TRIM15: variants seen among roughly 807,000 people sequenced by gnomAD.
TRIM15 encodes the protein tripartite motif containing 15.
A neutral mutation model predicts 35.8 loss-of-function variants in TRIM15; 35 were observed. The ratio of observed to expected loss-of-function variants is 0.98; its 90% CI spans 0.75 to 1.30. The LOEUF is 1.30. Among genes scored for constraint, TRIM15 ranks in the 50% most tolerant of loss-of-function variants. TRIM15 has a pLI of 0.00. For synonymous variants in TRIM15, 252 were observed against 249.8 expected (o/e 1.01, Z -0.08); for missense variants, 590 against 593.5 (o/e 0.99, Z 0.06).
chr6:30,168,231 T>C, intron 2 of TRIM15, 69 bp from the exon 3 acceptor site: 1 of 1,346,484 alleles, frequency 7.4e-7, no homozygotes, highest in East Asian at 2.3e-5. Flanking sequence ...ATAATAAGTA[T>C]ATAGATGATC....
Position 30,171,958 on chromosome 6 carries a change from C to G in TRIM15, c.1007C>G (p.Pro336Arg), listed in dbSNP as rs1472092744. 6.3e-7 allele frequency: 1 copy of G among 1,593,938 alleles called. No homozygotes were observed. Among genetic ancestry groups the G allele is most frequent in the Non-Finnish European group, 8.5e-7 (1 of 1,170,236 alleles). The change falls in exon 7 of 7, where the codon CCG becomes CGG. Residue 336 changes from proline (P) to arginine (R), a missense_variant. Pro to Arg is a moderately radical substitution (Grantham distance 103, BLOSUM62 -2). Coordinates refer to ENST00000376694, the MANE Select transcript of TRIM15 (RefSeq NM_033229.3). ...AGCCCCCTGCGCTTCGACGGCCTCC[C>G]GGCGGTTCTGGGCTTCCCGGGCTTC... ...PDSPLRFDGL[P>R]AVLGFPGFSS... is the part of the protein sequence containing the mutation.
Position 30,172,486 on chromosome 6 carries a change from GGTT to G in TRIM15, c.*141_*143del. On this transcript the variant is annotated 3_prime_UTR_variant, in exon 7 of 7. Coordinates refer to ENST00000376694, the MANE Select transcript of TRIM15 (RefSeq NM_033229.3). ...ACAGGGGACTTGAGTCTCGAACAGC[GGTT>G]GTTTTTACTTTATTTATCTTAGGCC... 1 of 1,321,078 alleles carries G rather than the reference GGTT, an allele frequency of 7.6e-7. No homozygotes were observed. The highest frequency in any genetic ancestry group is 1.0e-6 in the Non-Finnish European group (1 of 960,334). 81.8% of individuals were successfully genotyped at this position (1,321,078 alleles called of 1,614,324 possible).
Position 30,172,178 on chromosome 6 carries a change from C to A in TRIM15, c.1227C>A (p.Ser409Arg). 6.2e-7 allele frequency: 1 copy of A among 1,604,980 alleles called. No homozygotes were observed. Among genetic ancestry groups the A allele is most frequent in the Non-Finnish European group, 8.5e-7 (1 of 1,176,348 alleles). Residue 409 changes from serine to arginine, a missense_variant, in exon 7 of 7, where the codon AGC (serine) becomes AGA (arginine). Transcript: ENST00000376694. ...STSPGTDLPL[S>R]EIPRGVRVAL... ...CCCCGGGCACCGACCTGCCGCTGAG[C>A]GAGATCCCGCGCGGCGTGAGAGTCG...
rs1773761885 is a variant in TRIM15 at position 30,168,376 on chromosome 6, G to A, written c.554G>A (p.Cys185Tyr). ...RLQQELEQQR[C>Y]LLLARLRELE... ...CAGCAGGAGCTGGAGCAGCAGCGAT[G>A]TCTCCTGCTGGCCAGGCTGAGGGAG... The change falls in exon 3 of 7, where the codon TGT becomes TAT. Residue 185 changes from cysteine (C) to tyrosine (Y), a missense_variant. Coordinates refer to ENST00000376694, the MANE Select transcript of TRIM15 (RefSeq NM_033229.3). 6.2e-7 allele frequency: 1 copy of A among 1,612,940 alleles called. No individual in the cohort carries two copies. Among genetic ancestry groups the A allele is most frequent in the Admixed American group, 1.7e-5 (1 of 60,002 alleles).
rs375119144 is a variant in TRIM15 at position 30,171,963 on chromosome 6, G to T, written c.1012G>T (p.Val338Phe). ...CCTGCGCTTCGACGGCCTCCCGGCG[G>T]TTCTGGGCTTCCCGGGCTTCTCCTC... ...SPLRFDGLPA[V>F]LGFPGFSSGR... Residue 338 changes from valine to phenylalanine, a missense_variant, in exon 7 of 7, where the codon GTT (valine) becomes TTT (phenylalanine). Coordinates refer to ENST00000376694, the MANE Select transcript of TRIM15 (RefSeq NM_033229.3). 1 of 1,593,028 alleles carries T rather than the reference G, an allele frequency of 6.3e-7. No homozygotes were observed. Among genetic ancestry groups the T allele is most frequent in the Non-Finnish European group, 8.5e-7 (1 of 1,169,662 alleles).
chr6:30,167,274 A>G lies in TRIM15; in HGVS notation c.477+3A>G, dbSNP rs756289342. ...ACCAGAAGCTTCAAGTGCTGCTGGT[A>G]CAGGCCACGTCACTGGCTACCTTTT... On this transcript the variant is annotated splice_donor_region_variant and intron_variant, in intron 2 of 6. Transcript: ENST00000376694. 2 of 1,610,732 alleles carry G rather than the reference A, an allele frequency of 1.2e-6. No individual in the cohort carries two copies. The highest frequency in any genetic ancestry group is 8.5e-7 in the Non-Finnish European group (1 of 1,177,864).
chr6:30,168,878 A>G (rs982245829), intron 3 of TRIM15, among the ~76,000 whole-genome samples: 14 of 152,224 alleles, frequency 9.2e-5, no homozygotes, highest in African/African-American at 3.4e-4. Flanking sequence ...CCTGATATAC[A>G]GAAAGAACTC....
At chr6:30,169,458 T>C (rs1277234710) in intron 4 of TRIM15, 195 bp downstream of exon 4, 2 of 715,524 alleles carry the variant, frequency 2.8e-6, no homozygotes, top group African/African-American at 1.7e-5. Context: ...TTTAAATTGA[T>C]TGGTTGGTAT....
In TRIM15 at chr6:30,164,823, T is replaced by C. The variant is rs150655891; in HGVS notation, c.381+758T>C. ...CATCTGCACAAAATCCTCCCATGTA[T>C]ACCTAGTGCCCAAAGAAAGTCCAAG... On this transcript the variant is annotated intron_variant, in intron 1 of 6. Transcript: ENST00000376694. Among the ~76,000 whole-genome samples, 377 of 152,232 alleles carry C rather than the reference T, an allele frequency of 2.5e-3. 2 individuals carry two copies. The highest frequency in any genetic ancestry group is 0.01 in the Middle Eastern group (3 of 294).
chr6:30,168,207 A>G, intron 2 of TRIM15, 93 bp from the exon 3 acceptor site: 1 of 1,117,938 alleles, frequency 8.9e-7, no homozygotes, highest in Non-Finnish European at 1.3e-6. Flanking sequence ...GTTGCTCCCT[A>G]TCCCTGTTAA....
chr6:30,170,665 C>G, intron 5 of TRIM15, 49 bp downstream of exon 5: 1 of 1,417,648 alleles, frequency 7.1e-7, no homozygotes, highest in Non-Finnish European at 9.9e-7. Context: ...AGCTGCCCTC[C>G]TGTCTTCCAC....
At position 30,163,565 on chromosome 6, in the gene TRIM15, T is replaced by C. The variant is rs978333832; in HGVS notation, c.-120T>C. The C allele has an allele frequency of 3.0e-6, 4 of 1,311,964 alleles. No individual in the cohort carries two copies. The highest frequency in any genetic ancestry group is 4.1e-6 in the Non-Finnish European group (4 of 973,088). The allele number at this position is 1,311,964 out of a possible 1,614,324, so 81.3% of individuals were successfully genotyped here. A position where few individuals can be genotyped will look rare whatever the true frequency, so the allele number is the denominator to read the frequency against. ...GCCTCTCTCTCTCTTTCTCTCTCTC[T>C]GTCTCTTAGCCTTGCAGCCGTTTCC... On this transcript the variant is annotated 5_prime_UTR_variant, in exon 1 of 7. Coordinates refer to ENST00000376694, the MANE Select transcript of TRIM15 (RefSeq NM_033229.3).
At position 30,166,115 on chromosome 6, in the gene TRIM15, C is replaced by T. The variant is rs534247154; in HGVS notation, c.382-1061C>T. 4.1e-3 allele frequency among the ~76,000 whole-genome samples: 617 copies of T among 152,222 alleles called. 2 individuals are homozygous for T. The highest frequency in any genetic ancestry group is 0.01 in the African/African-American group (434 of 41,512). Reference sequence around the variant, plus strand: ...AGAAGCTCTTTCATTTAATTAGATACCATTTGTCAATTTAGGCTTTTGTTG... The same window carrying T: ...AGAAGCTCTTTCATTTAATTAGATATCATTTGTCAATTTAGGCTTTTGTTG... On this transcript the variant is annotated intron_variant, in intron 1 of 6. Transcript: ENST00000376694.
At chr6:30,171,100 C>A in intron 6 of TRIM15, 92 bp downstream of exon 6, 1 of 1,401,554 alleles carries the variant, frequency 7.1e-7, no homozygotes, top group Non-Finnish European at 9.8e-7. Context: ...AATTCTGGAG[C>A]TTGATTGCTT....
At chr6:30,168,250 A>G (rs1451992000) in intron 2 of TRIM15, 50 bp from the exon 3 acceptor site, 5 of 1,513,332 alleles carry the variant, frequency 3.3e-6, no homozygotes, top group Non-Finnish European at 4.5e-6. Context: ...TCATCCTGGA[A>G]GCTATCTCTG....
chr6:30,170,297 T>C (rs540537666), intron 4 of TRIM15: 47 of 550,332 alleles, frequency 8.5e-5, no homozygotes, highest in African/African-American at 5.8e-4. Flanking sequence ...GAAGTGATTA[T>C]CCTTAGTTCC....
chr6:30,170,650 CCATTAG>C (rs1184543545), intron 5 of TRIM15, 34 bp downstream of exon 5: 1 of 1,513,068 alleles, frequency 6.6e-7, no homozygotes, highest in Admixed American at 1.7e-5. Context: ...TTCCCCAGTC[CCATTAG>C]CTGCCCTCCT....
At position 30,169,247 on chromosome 6, in the gene TRIM15, A is replaced by G. The variant is rs765212532; in HGVS notation, c.715A>G (p.Arg239Gly). The change falls in exon 4 of 7, where the codon AGA becomes GGA. Residue 239 changes from arginine to glycine, a missense_variant. Coordinates refer to ENST00000376694, the MANE Select transcript of TRIM15 (RefSeq NM_033229.3). ...TCTTGTCTTTCTTTTGCAGGATGTC[A>G]GAGTCAACCAGAGCAGGTAGGGCCC... ...QPASELLQDV[R>G]VNQSRCEMKT... 6.2e-7 allele frequency: 1 copy of G among 1,613,222 alleles called. No homozygotes were observed. Among genetic ancestry groups the G allele is most frequent in the East Asian group, 2.2e-5 (1 of 44,896 alleles).
intron 1 of TRIM15, among the ~76,000 whole-genome samples, chr6:30,166,964 T>TGTAC (rs1554192605): frequency 6.6e-6 from 1 of 152,246 alleles, no homozygotes; most frequent in African/African-American, 2.4e-5. Context: ...TCTCACTGTG[T>TGTAC]GTACCCCTGG....
Sources: allele counts gnomAD v4.1 joint callset (sites outside exome capture counted in the v4.1 genomes callset), GRCh38; gene constraint gnomAD v4.1.1; transcripts MANE v1.5; gene names NCBI Gene and HGNC (gene_info 2026-07-23, HGNC 2026-07-21).